CCN6: variants seen among roughly 807,000 people sequenced by gnomAD.
CCN6 encodes CCN family member 6.
CCN6 carries 31 observed loss-of-function variants against 37.4 expected under a neutral mutation model. That is an observed-to-expected ratio of 0.83 (90% CI 0.62 to 1.12). CCN6 has a LOEUF of 1.12. Ranked by LOEUF, CCN6 falls within the 50% of genes most tolerant of loss-of-function variation. CCN6 has a pLI of 0.00. For synonymous variants in CCN6, 137 were observed against 142.1 expected (o/e 0.96, Z 0.26); for missense variants, 369 against 413.8 (o/e 0.89, Z 0.94).
intron 1 of CCN6, chr6:112,060,178 G>T: frequency 7.7e-7 from 1 of 1,302,824 alleles, no homozygotes; most frequent in Non-Finnish European, 1.0e-6. Context: ...ACATGGAAAT[G>T]GGAGGCCATG....
chr6:112,061,636 C>T (rs1431883813), intron 2 of CCN6, among the ~76,000 whole-genome samples: 4 of 152,104 alleles, frequency 2.6e-5, no homozygotes, highest in Admixed American at 6.5e-5. Context: ...AATCCGAATT[C>T]GGCCTTTTCT....
chr6:112,067,173 C>CT (rs1170130715), intron 3 of CCN6: 16,318 of 427,710 alleles, frequency 0.038, no homozygotes, highest in South Asian at 0.068. Flanking sequence ...ATGAAGAAGG[C>CT]TTTTTTTTTT....
chr6:112,065,028 T>A, intron 3 of CCN6, 31 bp downstream of exon 3: 1 of 1,613,576 alleles, frequency 6.2e-7, no homozygotes, highest in Non-Finnish European at 8.5e-7. Context: ...TTTTCACGTA[T>A]GACCTTGGTG....
intron 3 of CCN6, chr6:112,066,879 A>G: frequency 9.5e-7 from 1 of 1,054,680 alleles, no homozygotes; most frequent in South Asian, 1.4e-5. Context: ...TTGCTTTTTA[A>G]TGAATGGTAA....
In CCN6 at chr6:112,054,382, C is replaced by T; in HGVS notation, c.25C>T (p.Leu9Phe). The T allele has an allele frequency of 1.2e-6, 2 of 1,613,512 alleles. No individual in the cohort carries two copies. The highest frequency in any genetic ancestry group is 1.7e-6 in the Non-Finnish European group (2 of 1,179,924). Residue 9 changes from leucine to phenylalanine, a missense_variant, in exon 1 of 5, where the codon CTT becomes TTT. Coordinates refer to ENST00000368666, the MANE Select transcript of CCN6 (RefSeq NM_198239.2). MQGLLFSTLLLAGLAQFCC... is the reference protein window; with the variant it reads MQGLLFSTFLLAGLAQFCC... ...CATGCAGGGGCTCCTCTTCTCCACT[C>T]TTCTGCTTGCTGGCCTGGCACAGGT... is the stretch of plus-strand genomic sequence containing the variant.
chr6:112,064,774 C>T lies in CCN6; in HGVS notation c.366C>T (p.Cys122=), dbSNP rs112686348. ...TTTCAGACCTTGTAGCTGTTGGGTGCGAGTTCAACCAGGTACATTATCATA... is the reference window on the plus strand; with the variant it reads ...TTTCAGACCTTGTAGCTGTTGGGTGTGAGTTCAACCAGGTACATTATCATA... ...GVCAYLVAVG[C]EFNQVHYHNG... The change falls in exon 3 of 5, where the codon TGC becomes TGT. Residue 122 remains cysteine, a synonymous_variant. Coordinates refer to ENST00000368666, the MANE Select transcript of CCN6 (RefSeq NM_198239.2). 2,442 of 1,613,954 alleles carry T rather than the reference C, an allele frequency of 1.5e-3. 40 individuals are homozygous for T. In the African/African-American group the frequency reaches 0.028, roughly 19 times the overall value.
At chr6:112,062,178 CTG>C (rs781964881) in intron 2 of CCN6, among the ~76,000 whole-genome samples, 8 of 152,182 alleles carry the variant, frequency 5.3e-5, no homozygotes, top group Non-Finnish European at 8.8e-5. Context: ...TGTTTATTCT[CTG>C]TGTGTCTCAG....
At chr6:112,054,086 G>GTTTTTTAAT, upstream of CCN6, 1 of 620,770 alleles carries the variant, frequency 1.6e-6, no homozygotes, top group African/African-American at 1.8e-5. Flanking sequence ...CTGAGTCCCG[G>GTTTTTTAAT]GAGGAAAGTG....
rs782580039 is a variant in CCN6 at position 112,068,377 on chromosome 6, C to A, written c.762C>A (p.Ser254Arg). 3.7e-6 allele frequency: 6 copies of A among 1,612,116 alleles called. No individual in the cohort carries two copies. Among genetic ancestry groups the A allele is most frequent in the Non-Finnish European group, 5.1e-6 (6 of 1,179,050 alleles). ...TGTGTTACATTCAGCCTTGCGACAG[C>A]AATATATTAAAGACAATAAAGGTAA... is the stretch of plus-strand genomic sequence containing the variant. ...KRLCYIQPCDSNILKTIKIPK... is the reference protein window; with the variant it reads ...KRLCYIQPCDRNILKTIKIPK... Residue 254 changes from serine (S) to arginine (R), a missense_variant, in exon 4 of 5, where the codon AGC (serine) becomes AGA (arginine). Physicochemically the swap from Ser to Arg is moderately radical, Grantham distance 110 (BLOSUM62 -1). Transcript: ENST00000368666.
chr6:112,063,785 A>G (rs1776597330), intron 2 of CCN6, among the ~76,000 whole-genome samples: 2 of 152,290 alleles, frequency 1.3e-5, no homozygotes, highest in South Asian at 4.1e-4. Flanking sequence ...TAAAATTCCC[A>G]CTAAAAAAAG....
At position 112,060,760 on chromosome 6, in the gene CCN6, G is replaced by C. The variant is rs376201642; in HGVS notation, c.49-231G>C. On this transcript the variant is annotated intron_variant, in intron 1 of 4. Coordinates refer to ENST00000368666, the MANE Select transcript of CCN6 (RefSeq NM_198239.2). ...AAAGGAGAGTGAGAAGGAGCAGTCA[G>C]TGATAAAGGAGGAGTAAGAGTGGAA... 7.2e-5 allele frequency among the ~76,000 whole-genome samples: 11 copies of C among 152,260 alleles called. No homozygotes were observed. The South Asian group carries it at 1.9e-3, about 26-fold the overall frequency.
At chr6:112,054,766 T>C (rs1297989599) in intron 1 of CCN6, 1 of 252,292 alleles carries the variant, frequency 4.0e-6, no homozygotes, top group African/African-American at 2.2e-5. Flanking sequence ...GGCTCAACTT[T>C]CCATTGCTGT....
At chr6:112,054,436 C>T (rs782030935) in intron 1 of CCN6, 31 bp downstream of exon 1, 1 of 1,606,746 alleles carries the variant, frequency 6.2e-7, no homozygotes, top group Non-Finnish European at 8.5e-7. Flanking sequence ...CTTTCCCTTC[C>T]GGAGGCTATG....
intron 2 of CCN6, 39 bp downstream of exon 2, chr6:112,061,327 T>C (rs1554312837): frequency 1.2e-6 from 2 of 1,613,760 alleles, no homozygotes; most frequent in South Asian, 2.2e-5. Flanking sequence ...AAAGATTGAG[T>C]CTAGACAGAA....
At chr6:112,068,427 CAATATT>C in intron 4 of CCN6, 29 bp downstream of exon 4, 1 of 1,560,506 alleles carries the variant, frequency 6.4e-7, no homozygotes, top group Non-Finnish European at 8.7e-7. Context: ...TAACTTAATT[CAATATT>C]AAGAGATTCC....
rs1776719826 is a variant in CCN6 at position 112,067,085 on chromosome 6, ACT to A, written c.590-1117_590-1116del. On this transcript the variant is annotated intron_variant, in intron 3 of 4. Transcript: ENST00000368666. ...TCAGTTCTATGTGCAATTGCAAGAG[ACT>A]CTACTGTCATAACACTGAAAGCAGT... 3 of 1,293,314 alleles carry A rather than the reference ACT, an allele frequency of 2.3e-6. No homozygotes were observed. The South Asian group carries it at 3.5e-5, about 15-fold the overall frequency. The allele number at this position is 1,293,314 out of a possible 1,614,324, so 80.1% of individuals were successfully genotyped here.
intron 1 of CCN6, chr6:112,060,172 G>A: frequency 9.2e-6 from 12 of 1,307,464 alleles, no homozygotes; most frequent in Non-Finnish European, 1.2e-5. Context: ...AATTTTACAT[G>A]GAAATGGGAG....
chr6:112,054,897 C>A (rs1393717470), intron 1 of CCN6: 2 of 194,426 alleles, frequency 1.0e-5, no homozygotes, highest in African/African-American at 4.7e-5. Flanking sequence ...AAAACATTCT[C>A]TTACTTTGTC....
chr6:112,067,669 G>C (rs1312536702), intron 3 of CCN6, among the ~76,000 whole-genome samples: 1 of 152,122 alleles, frequency 6.6e-6, no homozygotes, highest in Non-Finnish European at 1.5e-5. Context: ...GTTCAGTGTA[G>C]TATTAATTAG....
Sources: allele counts gnomAD v4.1 joint callset (sites outside exome capture counted in the v4.1 genomes callset), GRCh38; gene constraint gnomAD v4.1.1; transcripts MANE v1.5; gene names NCBI Gene and HGNC (gene_info 2026-07-23, HGNC 2026-07-21).